Variants in GPHN observed in about 807,000 individuals in gnomAD.
GPHN encodes the protein gephyrin.
GPHN carries 17 observed loss-of-function variants against 95.5 expected under a neutral mutation model. The observed-to-expected ratio is 0.18, with a 90% CI of 0.12 to 0.27. GPHN has a LOEUF of 0.27. Among genes scored for constraint, GPHN ranks in the 10% least tolerant of loss-of-function variants. The pLI is 1.00. For synonymous variants in GPHN, 320 were observed against 322.5 expected (o/e 0.99, Z 0.08); for missense variants, 660 against 978.1 (o/e 0.67, Z 4.34).
rs148535917 is a variant in GPHN, at chr14:66,786,334, C to G, written c.201+9813C>G. Among the ~76,000 whole-genome samples the G allele has an allele frequency of 4.0e-4, 61 of 151,914 alleles. 3 individuals are homozygous for G. The East Asian group carries it at 9.9e-3, about 25-fold the overall frequency. On this transcript the variant is annotated intron_variant, in intron 3 of 22. Transcript: ENST00000478722. ...AAAATCACGAACTTCTAAAACTAAC[C>G]AAGATGAAATAGACAATCTACATGG... is the stretch of plus-strand genomic sequence containing the variant.
At chr14:66,609,274 G>A (rs942048322) in intron 1 of GPHN, among the ~76,000 whole-genome samples, 1 of 152,052 alleles carries the variant, frequency 6.6e-6, no homozygotes, top group Admixed American at 6.6e-5. Context: ...ATTGGTTTCC[G>A]ATCTCTTCTG....
chr14:66,695,204 TG>T (rs2068036683), intron 2 of GPHN, among the ~76,000 whole-genome samples: 1 of 151,868 alleles, frequency 6.6e-6, no homozygotes, highest in Admixed American at 6.6e-5. Flanking sequence ...TAAACTCTAT[TG>T]AAAAGTGGGC....
At chr14:67,601,879 T>TAA in the GPHN span, among the ~76,000 whole-genome samples, 2 of 146,174 alleles carry the variant, frequency 1.4e-5, no homozygotes, top group African/African-American at 5.0e-5. Context: ...TATATTCATT[T>TAA]AAAAAAAAAA....
the GPHN span, among the ~76,000 whole-genome samples, chr14:67,501,066 T>TAATAAG: frequency 6.8e-6 from 1 of 147,622 alleles, no homozygotes; most frequent in Non-Finnish European, 1.5e-5. Context: ...ATAATAATAA[T>TAATAAG]AATAATAATA....
At chr14:67,036,540 C>CACACACAG (rs946760546) in intron 10 of GPHN, among the ~76,000 whole-genome samples, 4 of 148,338 alleles carry the variant, frequency 2.7e-5, no homozygotes, top group African/African-American at 7.4e-5. Context: ...CACACACACA[C>CACACACAG]AGAGAAACAC....
the GPHN span, chr14:67,346,011 G>A: frequency 4.8e-6 from 3 of 628,954 alleles, no homozygotes; most frequent in Middle Eastern, 1.3e-3. Flanking sequence ...AACATGAAGT[G>A]CCTATCTCAC....
intron 1 of GPHN, among the ~76,000 whole-genome samples, chr14:66,562,750 G>C (rs908824474): frequency 1.2e-4 from 18 of 152,110 alleles, no homozygotes; most frequent in African/African-American, 4.3e-4. Context: ...GATTCTTCTA[G>C]TGCTGTCTTT....
Position 66,721,911 on chromosome 14 carries a change from A to G in GPHN, c.143+40726A>G, listed in dbSNP as rs955721197. On this transcript the variant is annotated intron_variant, in intron 2 of 22. Transcript: ENST00000478722. ...GCTTGCAGTGAGCTGAGATTATGCC[A>G]TTGTACTCCAGCCTGGGCAGTAAGA... 4.2e-5 allele frequency among the ~76,000 whole-genome samples: 6 copies of G among 143,916 alleles called. 1 individual carries two copies. The highest frequency in any genetic ancestry group is 1.6e-4 in the African/African-American group (6 of 38,450). The allele number at this position is 143,916 out of a possible 152,430, so 94.4% of individuals were successfully genotyped here. A position where few individuals can be genotyped will look rare whatever the true frequency, so the allele number is the denominator to read the frequency against.
the GPHN span, among the ~76,000 whole-genome samples, chr14:67,718,840 C>T: frequency 2.6e-5 from 4 of 151,572 alleles, no homozygotes; most frequent in African/African-American, 7.3e-5. Flanking sequence ...AAGAATGTCT[C>T]GATACCAGTT....
the GPHN span, among the ~76,000 whole-genome samples, chr14:67,716,506 G>A: frequency 3.3e-5 from 5 of 152,184 alleles, no homozygotes; most frequent in Non-Finnish European, 5.9e-5. Context: ...GAAAGTGTGT[G>A]TACACACGTG....
intron 9 of GPHN, among the ~76,000 whole-genome samples, chr14:66,976,757 G>A (rs963129192): frequency 6.6e-6 from 1 of 152,028 alleles, no homozygotes; most frequent in African/African-American, 2.4e-5. Flanking sequence ...GCTTATAGTG[G>A]TAATATGTGA....
intron 2 of GPHN, among the ~76,000 whole-genome samples, chr14:66,705,504 G>T (rs1328517541): frequency 2.6e-5 from 4 of 152,124 alleles, no homozygotes; most frequent in Non-Finnish European, 5.9e-5. Context: ...TGCAAGGCTG[G>T]TTCAACATAC....
At chr14:66,511,920 T>C (rs1173489274) in intron 1 of GPHN, among the ~76,000 whole-genome samples, 1 of 152,018 alleles carries the variant, frequency 6.6e-6, no homozygotes, top group Admixed American at 6.5e-5. Flanking sequence ...TTGAATATTA[T>C]TGTCCATCTC....
intron 2 of GPHN, among the ~76,000 whole-genome samples, chr14:66,771,094 G>C (rs1236027935): frequency 6.6e-6 from 1 of 151,994 alleles, no homozygotes; most frequent in African/African-American, 2.4e-5. Flanking sequence ...TGGCTCCAAT[G>C]GTCACACCCT....
rs558185041 is a variant in GPHN, at chr14:66,562,548, A to T, written c.64+53957A>T. Reference sequence around the variant, plus strand: ...GTGGATTGCTTATACACAGGAGAGTACTCAATGATTAGTAACTCAAAGCGT... The same window carrying T: ...GTGGATTGCTTATACACAGGAGAGTTCTCAATGATTAGTAACTCAAAGCGT... On this transcript the variant is annotated intron_variant, in intron 1 of 22. Coordinates refer to ENST00000478722, the MANE Select transcript of GPHN (RefSeq NM_020806.5). 6.6e-5 allele frequency among the ~76,000 whole-genome samples: 10 copies of T among 152,300 alleles called. No homozygotes were observed. In the South Asian group the frequency reaches 1.7e-3, roughly 25 times the overall value.
chr14:67,306,557 CAG>C, the GPHN span, among the ~76,000 whole-genome samples: 2 of 147,814 alleles, frequency 1.4e-5, no homozygotes, highest in East Asian at 2.1e-4. Flanking sequence ...TTAGTAGAGA[CAG>C]AGTTTCACCA....
chr14:67,717,998 C>A, the GPHN span: 9 of 152,122 alleles, frequency 5.9e-5, no homozygotes, highest in African/African-American at 1.9e-4. Context: ...AGCAAAAATT[C>A]TTTTTCTTTG....
At chr14:66,773,435 CCT>C (rs2059258216) in intron 2 of GPHN, among the ~76,000 whole-genome samples, 1 of 149,738 alleles carries the variant, frequency 6.7e-6, no homozygotes, top group Non-Finnish European at 1.5e-5. Context: ...CTCACTGCAA[CCT>C]CTGTCTCCCG....
intron 8 of GPHN, among the ~76,000 whole-genome samples, chr14:66,936,202 A>G (rs1450920001): frequency 1.3e-5 from 2 of 152,030 alleles, no homozygotes; most frequent in South Asian, 2.1e-4. Flanking sequence ...AACATAGTGA[A>G]ATCTCGTCTC....
Sources: gnomAD v4.1 joint callset for allele counts (sites outside exome capture counted in the v4.1 genomes callset) on GRCh38, gnomAD v4.1.1 for gene constraint, MANE v1.5 for transcripts, NCBI Gene and HGNC (gene_info 2026-07-23, HGNC 2026-07-21) for gene names.